DACH2: variants seen among roughly 807,000 people sequenced by gnomAD.
DACH2 encodes dachshund family transcription factor 2.
A neutral mutation model predicts 35.8 loss-of-function variants in DACH2; 17 were observed. The ratio of observed to expected loss-of-function variants is 0.48; its 90% CI spans 0.33 to 0.71. The LOEUF is 0.71. DACH2 is among the 30% of genes least tolerant of loss of function. The pLI is 0.02. For missense variants in DACH2, 469 were observed against 472.7 expected, an observed-to-expected ratio of 0.99 and a Z score of 0.07; for synonymous variants, 195 against 177.3, an observed-to-expected ratio of 1.10 and a Z score of -0.79.
At chrX:86,254,807 T>TATAGAGAGAGAGAG (rs1380613474) in intron 1 of DACH2, among the ~76,000 whole-genome samples, 24 of 49,642 alleles carry the variant, frequency 4.8e-4, no homozygotes, top group African/African-American at 2.7e-3. Context: ...TATATATATA[T>TATAGAGAGAGAGAG]AGAGAGAGAG....
chrX:86,611,243 A>G (rs1236794096), intron 3 of DACH2, among the ~76,000 whole-genome samples: 1 of 109,891 alleles, frequency 9.1e-6, no homozygotes, highest in Non-Finnish European at 1.9e-5. Flanking sequence ...TTGCCTCACA[A>G]CCCTAACCTG....
intron 3 of DACH2, among the ~76,000 whole-genome samples, chrX:86,585,120 A>G (rs2039552480): frequency 9.0e-6 from 1 of 110,549 alleles, no homozygotes; most frequent in Non-Finnish European, 1.9e-5. Flanking sequence ...ATACGCATGC[A>G]TGTGTCTTTT....
intron 1 of DACH2, among the ~76,000 whole-genome samples, chrX:86,294,773 C>A (rs1221263627): frequency 3.7e-5 from 4 of 109,322 alleles, no homozygotes; most frequent in Non-Finnish European, 7.6e-5. Flanking sequence ...AGGCAGTCTG[C>A]CCGTTCTCAG....
At chrX:86,755,445 T>C (rs991412646) in intron 7 of DACH2, among the ~76,000 whole-genome samples, 6 of 110,976 alleles carry the variant, frequency 5.4e-5, no homozygotes, top group African/African-American at 2.0e-4. Context: ...TTTGTCTAGT[T>C]TTGTTTTTTA....
chrX:86,594,627 C>T (rs2039690178), intron 3 of DACH2, among the ~76,000 whole-genome samples: 2 of 110,899 alleles, frequency 1.8e-5, no homozygotes, highest in African/African-American at 6.5e-5. Flanking sequence ...TTGGGGTTTT[C>T]CAGGTATTTT....
At chrX:86,326,530 T>A (rs2035119568) in intron 1 of DACH2, among the ~76,000 whole-genome samples, 1 of 104,164 alleles carries the variant, frequency 9.6e-6, no homozygotes, top group African/African-American at 3.4e-5. Context: ...TATATATATA[T>A]AATTTTTTAA....
intron 1 of DACH2, among the ~76,000 whole-genome samples, chrX:86,376,466 A>T (rs2035969100): frequency 9.1e-6 from 1 of 110,476 alleles, no homozygotes; most frequent in Non-Finnish European, 1.9e-5. Flanking sequence ...TGGAATTGTT[A>T]CGACCCAAGG....
chrX:86,623,767 C>CTGTGCAGTTCATATTTCTTTTTATGGA (rs2040095398), intron 3 of DACH2, among the ~76,000 whole-genome samples: 1 of 108,388 alleles, frequency 9.2e-6, no homozygotes, highest in African/African-American at 3.3e-5. Context: ...TAAAAAGTGG[C>CTGTGCAGTTCATATTTCTTTTTATGGA]GGCCGGGCGC....
At chrX:86,275,640 T>C (rs1050767287) in intron 1 of DACH2, among the ~76,000 whole-genome samples, 2 of 111,257 alleles carry the variant, frequency 1.8e-5, no homozygotes, top group Non-Finnish European at 3.8e-5. Flanking sequence ...AAATAGAAGG[T>C]CTTATTCATT....
chrX:86,575,992 T>C (rs961446224), intron 3 of DACH2, among the ~76,000 whole-genome samples: 5 of 112,438 alleles, frequency 4.4e-5, no homozygotes, highest in African/African-American at 1.6e-4. Flanking sequence ...TGCAAGATGT[T>C]ACATTTTGAA....
chrX:86,613,671 C>T (rs1479120204), intron 3 of DACH2, among the ~76,000 whole-genome samples: 1 of 111,144 alleles, frequency 9.0e-6, no homozygotes, highest in Non-Finnish European at 1.9e-5. Context: ...TTGGGGTTAT[C>T]TAGGTTCTGG....
intron 11 of DACH2, among the ~76,000 whole-genome samples, chrX:86,825,574 TAATG>T (rs2042555838): frequency 8.9e-6 from 1 of 111,828 alleles, no homozygotes; most frequent in Non-Finnish European, 1.9e-5. Flanking sequence ...AACAAGAAAA[TAATG>T]AAAGAGGATG....
intron 7 of DACH2, among the ~76,000 whole-genome samples, chrX:86,759,268 A>G: frequency 8.9e-6 from 1 of 111,886 alleles, no homozygotes; most frequent in Non-Finnish European, 1.9e-5. Flanking sequence ...TAGATATAAT[A>G]TTTGCTTTAC....
In DACH2 at chrX:86,784,644, C is replaced by T. The variant is rs767762021; in HGVS notation, c.1241-28212C>T. 2.5e-4 allele frequency among the ~76,000 whole-genome samples: 28 copies of T among 111,872 alleles called. No individual in the cohort carries two copies. The Middle Eastern group carries it at 0.014, about 55-fold the overall frequency. ...CATTATTGGATATATGGCCAAAGGA[C>T]TATAAATCAGTCTATCATAAAGACA... On this transcript the variant is annotated intron_variant, in intron 7 of 11. Coordinates refer to ENST00000373125, the MANE Select transcript of DACH2 (RefSeq NM_053281.3).
chrX:86,398,341 T>C (rs2036344601), intron 2 of DACH2, among the ~76,000 whole-genome samples: 1 of 112,612 alleles, frequency 8.9e-6, no homozygotes, highest in Non-Finnish European at 1.9e-5. Flanking sequence ...AAAAACCAGC[T>C]CCTGGATTCA....
chrX:86,446,904 C>A (rs1206051850), intron 2 of DACH2, among the ~76,000 whole-genome samples: 6 of 93,781 alleles, frequency 6.4e-5, no homozygotes, highest in Non-Finnish European at 1.3e-4. Flanking sequence ...AGTTTACAGT[C>A]CCACCAACAG....
intron 7 of DACH2, among the ~76,000 whole-genome samples, chrX:86,779,863 T>C (rs1349716505): frequency 8.9e-6 from 1 of 112,045 alleles, no homozygotes; most frequent in African/African-American, 3.2e-5. Flanking sequence ...GCTGCTGGCA[T>C]GTATATGCAA....
intron 2 of DACH2, among the ~76,000 whole-genome samples, chrX:86,455,192 C>A (rs1602538812): frequency 9.0e-6 from 1 of 110,525 alleles, no homozygotes; most frequent in East Asian, 2.9e-4. Flanking sequence ...CTGTTGCCAG[C>A]CTGAATGCAC....
At chrX:86,174,379 C>T (rs1472575410) in intron 1 of DACH2, among the ~76,000 whole-genome samples, 4 of 110,516 alleles carry the variant, frequency 3.6e-5, no homozygotes, top group Non-Finnish European at 7.6e-5. Flanking sequence ...CTCCTGCCTT[C>T]ACCTCCCAAA....
Sources: gnomAD v4.1 joint callset for allele counts (sites outside exome capture counted in the v4.1 genomes callset) on GRCh38, gnomAD v4.1.1 for gene constraint, MANE v1.5 for transcripts, NCBI Gene and HGNC (gene_info 2026-07-23, HGNC 2026-07-21) for gene names.